The following ERP44 variants were observed in gnomAD, a reference collection of about 807,000 sequenced individuals.
ERP44 encodes the protein endoplasmic reticulum resident protein 44.
ERP44 carries 25 observed loss-of-function variants against 53.4 expected under a neutral mutation model. The observed-to-expected ratio is 0.47, with a 90% CI of 0.34 to 0.65. ERP44 has a LOEUF of 0.65. Among genes scored for constraint, ERP44 ranks in the 30% least tolerant of loss-of-function variants. The pLI is 0.01. For missense variants in ERP44, 338 were observed against 493.2 expected, an observed-to-expected ratio of 0.69 and a Z score of 2.98; for synonymous variants, 145 against 161.2, an observed-to-expected ratio of 0.90 and a Z score of 0.76.
chr9:100,082,858 G>GGGAA (rs2118750597), intron 1 of ERP44, among the ~76,000 whole-genome samples: 1 of 151,796 alleles, frequency 6.6e-6, no homozygotes, highest in Admixed American at 6.6e-5. Flanking sequence ...ATCCTCATGA[G>GGGAA]AATATATTTC....
chr9:100,060,769 C>T (rs1339475832), intron 1 of ERP44, among the ~76,000 whole-genome samples: 1 of 152,100 alleles, frequency 6.6e-6, no homozygotes, highest in Non-Finnish European at 1.5e-5. Flanking sequence ...AAAATCTTAG[C>T]CTCCCATCTA....
chr9:100,057,608 A>C (rs1197222592), intron 3 of ERP44, among the ~76,000 whole-genome samples: 2 of 152,226 alleles, frequency 1.3e-5, no homozygotes, highest in African/African-American at 4.8e-5. Context: ...ACTTGTTTTA[A>C]GATATAAGAT....
rs1830427890 is a variant in ERP44, at chr9:100,006,640, T to G, written c.882A>C (p.Ile294=). The G allele has an allele frequency of 1.3e-6, 2 of 1,575,694 alleles. No individual in the cohort carries two copies. Among genetic ancestry groups the G allele is most frequent in the Non-Finnish European group, 1.7e-6 (2 of 1,167,072 alleles). ...ARQLISEKGT[I]NFLHADCDKF... ...TGTCACAATCGGCATGTAAAAAGTT[T>G]ATTGTACCTTTAAGAAAAAAGAATT... The change falls in exon 10 of 12, where the codon ATA becomes ATC. Residue 294 remains isoleucine (I), a synonymous_variant. Transcript: ENST00000262455.
intron 2 of ERP44, among the ~76,000 whole-genome samples, chr9:100,058,473 G>A (rs1482129631): frequency 6.6e-6 from 1 of 152,148 alleles, no homozygotes; most frequent in Non-Finnish European, 1.5e-5. Context: ...GGAATGATCT[G>A]TATTTTATTT....
intron 10 of ERP44, among the ~76,000 whole-genome samples, chr9:99,997,967 G>A (rs569728462): frequency 1.3e-5 from 2 of 151,602 alleles, no homozygotes; most frequent in South Asian, 2.1e-4. Flanking sequence ...AGCACTGAAA[G>A]TGCTTCAGGA....
chr9:100,055,381 G>A (rs935440907), intron 3 of ERP44, among the ~76,000 whole-genome samples: 2 of 152,040 alleles, frequency 1.3e-5, no homozygotes, highest in African/African-American at 4.8e-5. Context: ...GTTTGTTTTT[G>A]TTTTTGTTTG....
chr9:100,009,642 T>C (rs1264858054), intron 8 of ERP44, among the ~76,000 whole-genome samples: 2 of 152,216 alleles, frequency 1.3e-5, no homozygotes, highest in Non-Finnish European at 2.9e-5. Context: ...GTTCATGTAG[T>C]TCAACAGTTT....
At chr9:100,060,822 G>C (rs1002548110) in intron 1 of ERP44, among the ~76,000 whole-genome samples, 15 of 152,166 alleles carry the variant, frequency 9.9e-5, no homozygotes, top group African/African-American at 3.4e-4. Context: ...ACTAGCAAAT[G>C]TTTACTTATT....
intron 4 of ERP44, among the ~76,000 whole-genome samples, chr9:100,026,470 A>G (rs973012396): frequency 5.3e-5 from 8 of 152,196 alleles, no homozygotes; most frequent in African/African-American, 1.9e-4. Flanking sequence ...GAATGAACTA[A>G]AAAAAGACTA....
At position 100,024,335 on chromosome 9, in the gene ERP44, T is replaced by TAA. The variant is rs34537356; in HGVS notation, c.287-2111_287-2110dup. ...CTAAGGAGCAATCTTCAAGACAAGT[T>TAA]AAAAAAAAAAAAAAGCCAGGTGCAG... On this transcript the variant is annotated intron_variant, in intron 4 of 11. Coordinates refer to ENST00000262455, the MANE Select transcript of ERP44 (RefSeq NM_015051.3). Among the ~76,000 whole-genome samples the TAA allele has an allele frequency of 9.6e-4, 130 of 135,150 alleles. 1 individual carries two copies. Among genetic ancestry groups the TAA allele is most frequent in the African/African-American group, 3.9e-3 (127 of 32,590 alleles). 88.7% of individuals were successfully genotyped at this position (135,150 alleles called of 152,430 possible).
Position 100,098,953 on chromosome 9 carries a change from C to T in ERP44, c.-113G>A, listed in dbSNP as rs1826705351. 1.3e-6 allele frequency: 1 copy of T among 798,738 alleles called. No homozygotes were observed. The highest frequency in any genetic ancestry group is 1.5e-5 in the South Asian group (1 of 64,734). 49.5% of individuals were successfully genotyped at this position (798,738 alleles called of 1,614,324 possible). Reference sequence around the variant, plus strand: ...GAGCCGACGGCAGCGGAGGATTCTCCAGGCAGCGGCACCTCGTCCTCTCGA... The same window carrying T: ...GAGCCGACGGCAGCGGAGGATTCTCTAGGCAGCGGCACCTCGTCCTCTCGA... On this transcript the variant is annotated 5_prime_UTR_variant, in exon 1 of 12. Transcript: ENST00000262455.
At chr9:100,051,562 G>A (rs1826037338) in intron 4 of ERP44, among the ~76,000 whole-genome samples, 2 of 151,988 alleles carry the variant, frequency 1.3e-5, no homozygotes. Flanking sequence ...TTAATAAGTG[G>A]TTTGGTCTCC....
chr9:100,026,665 GA>G (rs1306779674), intron 4 of ERP44, among the ~76,000 whole-genome samples: 1 of 152,116 alleles, frequency 6.6e-6, no homozygotes, highest in Non-Finnish European at 1.5e-5. Flanking sequence ...TCAATAATAT[GA>G]AACCCTGTGA....
rs553108123 is a variant in ERP44, at chr9:100,036,785, T to C, written c.287-14559A>G. ...AATAAATACTGCATGTTCTCATTCA[T>C]ATGTCGGAGCTAAGAGAGTTGAGCT... On this transcript the variant is annotated intron_variant, in intron 4 of 11. Coordinates refer to ENST00000262455, the MANE Select transcript of ERP44 (RefSeq NM_015051.3). Among the ~76,000 whole-genome samples, 6 of 152,146 alleles carry C rather than the reference T, an allele frequency of 3.9e-5. No individual in the cohort carries two copies. In the South Asian group the frequency reaches 1.2e-3, roughly 32 times the overall value.
intron 1 of ERP44, among the ~76,000 whole-genome samples, chr9:100,070,683 A>C (rs1826291159): frequency 6.6e-6 from 1 of 152,262 alleles, no homozygotes; most frequent in African/African-American, 2.4e-5. Context: ...TCTTAACAAC[A>C]ACCAATTTGA....
At chr9:100,006,722 A>G in intron 9 of ERP44, 75 bp from the exon 10 acceptor site, 1 of 1,033,372 alleles carries the variant, frequency 9.7e-7, no homozygotes, top group Non-Finnish European at 1.4e-6. Context: ...CAAGCTCACA[A>G]AAAGTGACAT....
chr9:100,057,935 T>A, intron 2 of ERP44, 76 bp from the exon 3 acceptor site: 1 of 1,178,252 alleles, frequency 8.5e-7, no homozygotes, highest in East Asian at 2.4e-5. Context: ...TTCATTATGA[T>A]CTTTGTCCAA....
chr9:100,060,011 T>G, intron 2 of ERP44, 89 bp downstream of exon 2: 1 of 1,112,864 alleles, frequency 9.0e-7, no homozygotes, highest in Non-Finnish European at 1.2e-6. Flanking sequence ...GCTAGCTAAC[T>G]GAGATTTTAT....
intron 7 of ERP44, among the ~76,000 whole-genome samples, chr9:100,017,943 C>A (rs959617765): frequency 3.3e-5 from 5 of 152,162 alleles, no homozygotes; most frequent in Non-Finnish European, 5.9e-5. Context: ...TTTTAAAAAT[C>A]TGGCTCCCAG....
Sources: gnomAD v4.1 joint callset for allele counts (sites outside exome capture counted in the v4.1 genomes callset) on GRCh38, gnomAD v4.1.1 for gene constraint, MANE v1.5 for transcripts, NCBI Gene and HGNC (gene_info 2026-07-23, HGNC 2026-07-21) for gene names.